Variants in CAPN8 observed in about 807,000 individuals in gnomAD.
CAPN8 encodes calpain 8.
In CAPN8, 87 loss-of-function variants were observed where a neutral mutation model predicts 80.9. The ratio of observed to expected loss-of-function variants is 1.07; its 90% confidence interval spans 0.90 to 1.28. The LOEUF (loss-of-function observed/expected upper bound fraction) is 1.28. Ranked by LOEUF, CAPN8 falls within the 50% of genes most tolerant of loss-of-function variation. The probability of loss-of-function intolerance (pLI) is 0.00; values close to 1 mark genes in which losing one functional copy is unlikely to be tolerated. For synonymous variants in CAPN8, 299 were observed against 273.8 expected, an observed-to-expected ratio of 1.09 and a Z score of -0.91; for missense variants, 757 against 702.0, an observed-to-expected ratio of 1.08 and a Z score of -0.89.
intron 5 of CAPN8, among the ~76,000 whole-genome samples, chr1:223,626,243 G>A (rs1344004622): frequency 6.6e-6 from 1 of 151,930 alleles, no homozygotes; most frequent in African/African-American, 2.4e-5. Context: ...GTCCTCCAAG[G>A]TTCTCCCTGA....
intron 10 of CAPN8, among the ~76,000 whole-genome samples, chr1:223,613,564 G>A (rs946579660): frequency 1.6e-4 from 24 of 152,344 alleles, no homozygotes; most frequent in African/African-American, 5.3e-4. Flanking sequence ...CGAGGTAAGG[G>A]AGCAGGCCTT....
Position 223,609,342 on chromosome 1 carries a change from T to C in CAPN8, c.1346A>G (p.His449Arg). Residue 449 changes from histidine (H) to arginine (R), a missense_variant, in exon 12 of 21, where the codon CAC becomes CGC. Transcript: ENST00000366872. ...GGCCAGGAAGAAATCCCGGCCCAAG[T>C]GTGCGTCCGTGTGACTCTCCAGCTG... ...PKELESHTDA[H>R]LGRDFFLAYQ... The C allele has an allele frequency of 5.0e-6, 2 of 398,524 alleles. No homozygotes were observed. The highest frequency in any genetic ancestry group is 8.8e-6 in the Non-Finnish European group (2 of 226,042). 24.7% of individuals were successfully genotyped at this position (398,524 alleles called of 1,614,324 possible).
intron 2 of CAPN8, among the ~76,000 whole-genome samples, chr1:223,629,234 A>ATGTG (rs1657703263): frequency 2.1e-5 from 1 of 47,356 alleles, no homozygotes; most frequent in African/African-American, 9.0e-5. Context: ...GTGTGTGTTT[A>ATGTG]TGTTCCTTGC....
intron 15 of CAPN8, among the ~76,000 whole-genome samples, chr1:223,549,913 G>T (rs1190622673): frequency 6.6e-6 from 1 of 152,162 alleles, no homozygotes; most frequent in South Asian, 2.1e-4. Flanking sequence ...TATAGATCAG[G>T]AATCTGAGTC....
At chr1:223,642,472 C>G (rs1485588900) in intron 2 of CAPN8, among the ~76,000 whole-genome samples, 1 of 152,200 alleles carries the variant, frequency 6.6e-6, no homozygotes, top group Non-Finnish European at 1.5e-5. Context: ...GCCTCTCAGA[C>G]CTGATAGCAG....
At chr1:223,552,227 C>T (rs1281604710) in intron 14 of CAPN8, among the ~76,000 whole-genome samples, 1 of 152,196 alleles carries the variant, frequency 6.6e-6, no homozygotes, top group Non-Finnish European at 1.5e-5. Context: ...CTGAGGACAA[C>T]TGGCCTCACC....
chr1:223,556,123 G>A (rs1313376164), intron 13 of CAPN8, among the ~76,000 whole-genome samples: 1 of 152,174 alleles, frequency 6.6e-6, no homozygotes, highest in African/African-American at 2.4e-5. Flanking sequence ...GAGTGTGTTT[G>A]TTCACCCTGT....
intron 15 of CAPN8, among the ~76,000 whole-genome samples, chr1:223,549,918 T>C (rs778939414): frequency 6.6e-6 from 1 of 152,262 alleles, no homozygotes. Context: ...ATCAGGAATC[T>C]GAGTCCCAGA....
chr1:223,664,424 G>A (rs762272140), intron 1 of CAPN8, among the ~76,000 whole-genome samples: 10 of 152,166 alleles, frequency 6.6e-5, no homozygotes, highest in Non-Finnish European at 1.3e-4. Context: ...TACGTATTCT[G>A]CATCTATTAT....
chr1:223,543,699 C>T (rs562126150), intron 19 of CAPN8, among the ~76,000 whole-genome samples: 9 of 152,276 alleles, frequency 5.9e-5, no homozygotes, highest in African/African-American at 1.9e-4. Flanking sequence ...CACATGTTCT[C>T]AATATGATCC....
At chr1:223,628,620 A>G (rs66602040) in intron 3 of CAPN8, 42 bp downstream of exon 3, 1,119,228 of 1,470,918 alleles carry the variant, frequency 0.76, 428,099 homozygotes, top group African/African-American at 0.93. Flanking sequence ...AGCCCTAAGA[A>G]TACGGAAAAC....
intron 8 of CAPN8, 67 bp downstream of exon 8, chr1:223,620,125 G>T: frequency 7.4e-7 from 1 of 1,347,048 alleles, no homozygotes; most frequent in Non-Finnish European, 1.0e-6. Flanking sequence ...GAGACCTAGA[G>T]TTCACATCAG....
chr1:223,613,168 T>G (rs1211557397), intron 10 of CAPN8, among the ~76,000 whole-genome samples: 3 of 152,208 alleles, frequency 2.0e-5, no homozygotes, highest in African/African-American at 4.8e-5. Flanking sequence ...ATTTGTGGTT[T>G]AGGTCTATGG....
At chr1:223,622,046 T>G (rs1657412595) in intron 7 of CAPN8, among the ~76,000 whole-genome samples, 1 of 152,110 alleles carries the variant, frequency 6.6e-6, no homozygotes. Flanking sequence ...GCTCAAGTGA[T>G]CCACCCGCCT....
chr1:223,651,892 A>G (rs55687735), intron 2 of CAPN8, among the ~76,000 whole-genome samples: 1 of 152,242 alleles, frequency 6.6e-6, no homozygotes, highest in Non-Finnish European at 1.5e-5. Context: ...GGATATTCAG[A>G]ATATGTACTT....
chr1:223,658,836 C>T (rs1658564117), intron 1 of CAPN8, among the ~76,000 whole-genome samples: 2 of 152,062 alleles, frequency 1.3e-5, no homozygotes, highest in Admixed American at 1.3e-4. Context: ...AAATCCCCAG[C>T]TTTGCAAGGA....
chr1:223,551,528 T>C (rs1656786357), intron 14 of CAPN8, among the ~76,000 whole-genome samples: 1 of 152,172 alleles, frequency 6.6e-6, no homozygotes, highest in Non-Finnish European at 1.5e-5. Flanking sequence ...GCCAGAGGTG[T>C]GTTAGTGCCA....
At position 223,620,589 on chromosome 1, in the gene CAPN8, A is replaced by G. The variant is rs571146024; in HGVS notation, c.900-323T>C. On this transcript the variant is annotated intron_variant, in intron 7 of 20. Coordinates refer to ENST00000366872, the MANE Select transcript of CAPN8 (RefSeq NM_001143962.2). The stretch of plus-strand genomic sequence containing the variant: ...TTAAGACTCCCAGGCCCCTGTTTGC[A>G]GGAATGGGGAGGCCCAGGAGAGAAC... Among the ~76,000 whole-genome samples, 4 of 152,318 alleles carry G rather than the reference A, an allele frequency of 2.6e-5. No individual in the cohort carries two copies. The South Asian group carries it at 8.3e-4, about 32-fold the overall frequency.
chr1:223,618,938 C>T (rs543596652), intron 9 of CAPN8, among the ~76,000 whole-genome samples: 1 of 152,284 alleles, frequency 6.6e-6, no homozygotes, highest in South Asian at 2.1e-4. Flanking sequence ...AACTGTAATC[C>T]CAGAACTTTG....
Sources: gnomAD v4.1 joint callset for allele counts (sites outside exome capture counted in the v4.1 genomes callset) on GRCh38, gnomAD v4.1.1 for gene constraint, MANE v1.5 for transcripts, NCBI Gene and HGNC (gene_info 2026-07-23, HGNC 2026-07-21) for gene names.